Variants in ACVR1C observed in about 807,000 individuals in gnomAD.
The protein encoded by ACVR1C is activin A receptor type 1C, also known as activin receptor type-1C.
A neutral mutation model predicts 57.9 loss-of-function variants in ACVR1C; 23 were observed. The observed-to-expected ratio is 0.40, with a 90% CI of 0.29 to 0.56. The LOEUF (loss-of-function observed/expected upper bound fraction) is 0.56, where lower values mean the gene tolerates loss of function less well. Ranked by LOEUF, ACVR1C falls within the 20% of genes least tolerant of loss-of-function variation. ACVR1C has a pLI of 0.50. For synonymous variants in ACVR1C, 214 were observed against 215.3 expected (o/e 0.99, Z 0.05); for missense variants, 480 against 607.9 (o/e 0.79, Z 2.21).
At chr2:157,599,580 A>T (rs1026044116) in intron 1 of ACVR1C, among the ~76,000 whole-genome samples, 2 of 152,032 alleles carry the variant, frequency 1.3e-5, no homozygotes, top group African/African-American at 4.8e-5. Flanking sequence ...CAGCCTGCAC[A>T]CTTTGGTCTA....
intron 4 of ACVR1C, among the ~76,000 whole-genome samples, chr2:157,546,491 T>C (rs1687758814): frequency 2.0e-5 from 3 of 152,334 alleles, no homozygotes; most frequent in Middle Eastern, 6.8e-3. Context: ...AAATTAACTA[T>C]AGGTTCTTAA....
chr2:157,567,302 C>A (rs188361969), intron 2 of ACVR1C, among the ~76,000 whole-genome samples: 4,634 of 90,634 alleles, frequency 0.051, 1,262 homozygotes, highest in African/African-American at 0.22. Flanking sequence ...TCTAAAACAC[C>A]GAGCACCTCT....
At chr2:157,534,250 A>T (rs1687427629) in intron 8 of ACVR1C, among the ~76,000 whole-genome samples, 1 of 152,046 alleles carries the variant, frequency 6.6e-6, no homozygotes, top group African/African-American at 2.4e-5. Context: ...TCTTGTGCTC[A>T]ACCGATATTC....
intron 2 of ACVR1C, among the ~76,000 whole-genome samples, chr2:157,566,152 G>T (rs1260291329): frequency 6.6e-6 from 1 of 152,096 alleles, no homozygotes; most frequent in African/African-American, 2.4e-5. Flanking sequence ...AATTATTCAA[G>T]AAATATTTTA....
At chr2:157,620,159 T>C (rs1682737058) in intron 1 of ACVR1C, among the ~76,000 whole-genome samples, 1 of 152,062 alleles carries the variant, frequency 6.6e-6, no homozygotes, top group Admixed American at 6.6e-5. Context: ...AAATAAAGAT[T>C]TTCAAAAAGA....
intron 1 of ACVR1C, chr2:157,597,520 G>A: frequency 3.0e-6 from 3 of 985,446 alleles, no homozygotes; most frequent in Non-Finnish European, 3.6e-6. Flanking sequence ...CCCGACGACA[G>A]CTCCCGCGGG....
chr2:157,603,049 C>T (rs1682314949), intron 1 of ACVR1C, among the ~76,000 whole-genome samples: 1 of 152,134 alleles, frequency 6.6e-6, no homozygotes, highest in Admixed American at 6.5e-5. Flanking sequence ...GGGTAAACAC[C>T]CACAGGTTTG....
At chr2:157,608,451 T>C (rs1304611728) in intron 1 of ACVR1C, among the ~76,000 whole-genome samples, 2 of 151,876 alleles carry the variant, frequency 1.3e-5, no homozygotes, top group African/African-American at 4.8e-5. Context: ...GATTTCTTTT[T>C]TGGTTGTGTC....
chr2:157,534,682 A>G (rs1687437719), intron 8 of ACVR1C, among the ~76,000 whole-genome samples: 5 of 152,200 alleles, frequency 3.3e-5, no homozygotes, highest in Admixed American at 2.0e-4. Context: ...GAACTAGCAA[A>G]GAGATAAGAC....
intron 8 of ACVR1C, among the ~76,000 whole-genome samples, chr2:157,535,910 C>T (rs1687475192): frequency 6.6e-6 from 1 of 152,184 alleles, no homozygotes; most frequent in South Asian, 2.1e-4. Context: ...TCATTATCCT[C>T]TAAGTTCCAT....
At chr2:157,579,199 C>G (rs1381661515) in intron 2 of ACVR1C, among the ~76,000 whole-genome samples, 3 of 152,118 alleles carry the variant, frequency 2.0e-5, no homozygotes, top group African/African-American at 7.2e-5. Flanking sequence ...GTTACCTTTG[C>G]AGACACTGCT....
chr2:157,535,596 G>T (rs1245881176), intron 8 of ACVR1C, among the ~76,000 whole-genome samples: 1 of 152,124 alleles, frequency 6.6e-6, no homozygotes, highest in East Asian at 1.9e-4. Flanking sequence ...GAGAGGCCAA[G>T]GCGGGTGGAT....
chr2:157,537,196 A>G (rs1687511218), intron 8 of ACVR1C, among the ~76,000 whole-genome samples: 1 of 152,110 alleles, frequency 6.6e-6, no homozygotes, highest in African/African-American at 2.4e-5. Context: ...AAATACATAT[A>G]GTAAAATTCA....
In ACVR1C at chr2:157,526,845, T is replaced by A. The variant is rs940434716; in HGVS notation, c.*7073A>T. On this transcript the variant is annotated 3_prime_UTR_variant, in exon 9 of 9. Transcript: ENST00000243349. The stretch of plus-strand genomic sequence containing the variant: ...AGTGCAAGAAGTGCTTGATTTATTA[T>A]CTTTCCCACTTTACAAAACAATACA... The A allele has an allele frequency of 1.4e-4, 21 of 152,338 alleles. No individual in the cohort carries two copies. Among genetic ancestry groups the A allele is most frequent in the Admixed American group, 4.6e-4 (7 of 15,296 alleles). 9.4% of individuals were successfully genotyped at this position (152,338 alleles called of 1,614,324 possible).
rs746241476 is a variant in ACVR1C at position 157,542,808 on chromosome 2, T to G, written c.998A>C (p.Lys333Thr). The change falls in exon 6 of 9, where the codon AAG (lysine) becomes ACG (threonine). Residue 333 changes from lysine (K) to threonine (T), a missense_variant. Lys to Thr is a moderately conservative substitution (Grantham distance 78, BLOSUM62 -1). Transcript: ENST00000243349. Reference protein sequence around the residue: ...DIKSKNILVKKCETCAIADLG... With the variant: ...DIKSKNILVKTCETCAIADLG... ...GTCCGCTATGGCACAAGTTTCACAC[T>G]TTTTCACTAAGATATTCTTTGATTT... 6.2e-7 allele frequency: 1 copy of G among 1,613,908 alleles called. No individual in the cohort carries two copies. The highest frequency in any genetic ancestry group is 1.3e-5 in the African/African-American group (1 of 74,912).
intron 1 of ACVR1C, among the ~76,000 whole-genome samples, chr2:157,606,307 A>G (rs1484737813): frequency 2.0e-5 from 3 of 151,812 alleles, no homozygotes; most frequent in Non-Finnish European, 4.4e-5. Flanking sequence ...TTTCCTTTGG[A>G]TAAATACCCA....
chr2:157,548,700 T>C (rs1687830917), intron 4 of ACVR1C, among the ~76,000 whole-genome samples: 2 of 152,172 alleles, frequency 1.3e-5, no homozygotes, highest in Admixed American at 6.5e-5. Context: ...ATTTAATAAA[T>C]GGTGCTGGGA....
In ACVR1C at chr2:157,533,873, G is replaced by A; in HGVS notation, c.*45C>T. 1.4e-6 allele frequency: 2 copies of A among 1,478,754 alleles called. No homozygotes were observed. Among genetic ancestry groups the A allele is most frequent in the South Asian group, 1.5e-5 (1 of 68,490 alleles). The allele number at this position is 1,478,754 out of a possible 1,614,324, so 91.6% of individuals were successfully genotyped here. A position where few individuals can be genotyped will look rare whatever the true frequency, so the allele number is the denominator to read the frequency against. On this transcript the variant is annotated 3_prime_UTR_variant, in exon 9 of 9. Coordinates refer to ENST00000243349, the MANE Select transcript of ACVR1C (RefSeq NM_145259.3). ...AAACATTCACATAAAGGGGAAAATG[G>A]AAAAGAAAGCTATGAGAGATTTCTT...
chr2:157,576,077 T>C (rs1359568694), intron 2 of ACVR1C, among the ~76,000 whole-genome samples: 1 of 152,032 alleles, frequency 6.6e-6, no homozygotes, highest in Admixed American at 6.6e-5. Context: ...CAAATAATTA[T>C]AAATGTCCAT....
Sources: gnomAD v4.1 joint callset for allele counts (sites outside exome capture counted in the v4.1 genomes callset) on GRCh38, gnomAD v4.1.1 for gene constraint, MANE v1.5 for transcripts, NCBI Gene and HGNC (gene_info 2026-07-23, HGNC 2026-07-21) for gene names.